The following PPP4C variants were observed in gnomAD, a reference collection of about 807,000 sequenced individuals.
The protein encoded by PPP4C is serine/threonine-protein phosphatase 4 catalytic subunit.
A neutral mutation model predicts 40.5 loss-of-function variants in PPP4C; 10 were observed. That is an observed-to-expected ratio of 0.25 (90% CI 0.15 to 0.42). The LOEUF is 0.42. Among genes scored for constraint, PPP4C ranks in the 10% least tolerant of loss-of-function variants. The pLI is 1.00. For missense variants in PPP4C, 191 were observed against 416.4 expected, an observed-to-expected ratio of 0.46 and a Z score of 4.71; for synonymous variants, 187 against 163.6, an observed-to-expected ratio of 1.14 and a Z score of -1.09.
rs527429658 is a variant in PPP4C, at chr16:30,084,257, G to C, written c.605-409G>C. Among the ~76,000 whole-genome samples, 12 of 149,284 alleles carry C rather than the reference G, an allele frequency of 8.0e-5. No individual in the cohort carries two copies. In the South Asian group the frequency reaches 2.5e-3, roughly 31 times the overall value. On this transcript the variant is annotated intron_variant, in intron 7 of 8. Transcript: ENST00000279387. ...TCACAGCCACACACACGCACACGAGGCCTCTGCTCCATCACAGCCACACAC... is the reference window on the plus strand; with the variant it reads ...TCACAGCCACACACACGCACACGAGCCCTCTGCTCCATCACAGCCACACAC...
At chr16:30,078,358 T>C (rs2072442654) in intron 2 of PPP4C, among the ~76,000 whole-genome samples, 1 of 152,116 alleles carries the variant, frequency 6.6e-6, no homozygotes, top group Non-Finnish European at 1.5e-5. Context: ...TGCATCCAGG[T>C]CTTTGACTGT....
At chr16:30,078,270 A>G (rs949639816) in intron 2 of PPP4C, among the ~76,000 whole-genome samples, 7 of 152,212 alleles carry the variant, frequency 4.6e-5, no homozygotes, top group African/African-American at 1.4e-4. Context: ...GCCCCATTTC[A>G]TAGCAGAGGA....
At position 30,083,603 on chromosome 16, in the gene PPP4C, G is replaced by GA. The variant is rs1263016082; in HGVS notation, c.477+37dup. 1 of 1,613,858 alleles carries GA rather than the reference G, an allele frequency of 6.2e-7. No homozygotes were observed. Among genetic ancestry groups the GA allele is most frequent in the Non-Finnish European group, 8.5e-7 (1 of 1,179,796 alleles). ...CCAGGGCTCCATGGGACAGGGAGAG[G>GA]AGGGGGGCTTCAGGCCTCAGCCCCG... On this transcript the variant is annotated intron_variant, in intron 6 of 8. Transcript: ENST00000279387. This position sits in a 1 kb window ranked among gnomAD's most constrained non-coding sequence, Gnocchi z 6.3.
At position 30,076,417 on chromosome 16, in the gene PPP4C, C is replaced by T. The variant is rs1417942340; in HGVS notation, c.40C>T (p.Leu14=). The T allele has an allele frequency of 3.1e-6, 5 of 1,613,224 alleles. No homozygotes were observed. In the Admixed American group the frequency reaches 6.7e-5, roughly 22 times the overall value. ...CGACCTGGACCGGCAGATCGAGCAG[C>T]TGCGTCGCTGCGAGCTCATCAAGGA... ...ISDLDRQIEQ[L]RRCELIKESE... is the part of the protein sequence containing the mutation. Residue 14 remains leucine, a synonymous_variant, in exon 2 of 9, where the codon CTG becomes TTG. Transcript: ENST00000279387.
intron 2 of PPP4C, among the ~76,000 whole-genome samples, chr16:30,078,265 AT>A (rs2151024510): frequency 6.6e-6 from 1 of 152,326 alleles, no homozygotes; most frequent in East Asian, 1.9e-4. Context: ...ACTTAGCCCC[AT>A]TTCATAGCAG....
chr16:30,077,086 G>A (rs1366188074), intron 2 of PPP4C, among the ~76,000 whole-genome samples: 1 of 152,096 alleles, frequency 6.6e-6, no homozygotes, highest in Non-Finnish European at 1.5e-5. Context: ...AGTAAGCCAG[G>A]GTAGAATTAA....
At chr16:30,078,421 G>A (rs1487890790) in intron 2 of PPP4C, among the ~76,000 whole-genome samples, 1 of 152,210 alleles carries the variant, frequency 6.6e-6, no homozygotes, top group African/African-American at 2.4e-5. Context: ...GATGTGGGGT[G>A]TGAGGCAGCA....
In PPP4C at chr16:30,083,507, G is replaced by A. The variant is rs2151028313; in HGVS notation, c.417G>A (p.Val139=). ...TGCGCAAGTACGGCTCGGTGACTGT[G>A]TGGCGCTACTGCACTGAGATCTTTG... ...ECLRKYGSVT[V]WRYCTEIFDY... Residue 139 remains valine (V), a synonymous_variant, in exon 6 of 9, where the codon GTG becomes GTA. Transcript: ENST00000279387. The surrounding 1 kb of genome is among the most constrained non-coding windows in gnomAD (Gnocchi z 6.3). The A allele has an allele frequency of 6.2e-7, 1 of 1,614,128 alleles. No individual in the cohort carries two copies.
chr16:30,084,556 G>A (rs1189250396), intron 7 of PPP4C, 110 bp from the exon 8 acceptor site: 14 of 963,558 alleles, frequency 1.5e-5, no homozygotes, highest in East Asian at 2.4e-5. Flanking sequence ...CTGGTCCCAC[G>A]GGCCTCTGGT....
At position 30,083,844 on chromosome 16, in the gene PPP4C, A is replaced by C; in HGVS notation, c.604+63A>C. 6.3e-7 allele frequency: 1 copy of C among 1,595,178 alleles called. No individual in the cohort carries two copies. Among genetic ancestry groups the C allele is most frequent in the East Asian group, 2.2e-5 (1 of 44,634 alleles). On this transcript the variant is annotated intron_variant, in intron 7 of 8. Transcript: ENST00000279387. The surrounding 1 kb of genome is among the most constrained non-coding windows in gnomAD (Gnocchi z 6.3). ...GGAGGGGTTGGGAAAGAGAGGGAGC[A>C]GGGCTGGTCTTCACTGTCACTCGTC...
At position 30,083,652 on chromosome 16, in the gene PPP4C, T is replaced by C; in HGVS notation, c.478-3T>C. 1 of 1,614,170 alleles carries C rather than the reference T, an allele frequency of 6.2e-7. No homozygotes were observed. The highest frequency in any genetic ancestry group is 1.6e-4 in the Middle Eastern group (1 of 6,062). ...CGTCCTCTTTCCCTGCTCTCCCCTG[T>C]AGATCTTCTGCGTGCACGGGGGCCT... On this transcript the variant is annotated splice_region_variant and splice_polypyrimidine_tract_variant and intron_variant, in intron 6 of 8. Transcript: ENST00000279387. This position sits in a 1 kb window ranked among gnomAD's most constrained non-coding sequence, Gnocchi z 6.3.
chr16:30,085,231 T>C lies in PPP4C; in HGVS notation c.*169T>C. ...CTCTGGAGAGGCCTGGAGACCTAGC[T>C]CCATGTTCCTCCTCCTCTCTCCCCA... On this transcript the variant is annotated 3_prime_UTR_variant, in exon 9 of 9. Coordinates refer to ENST00000279387, the MANE Select transcript of PPP4C (RefSeq NM_002720.3). 1 of 634,594 alleles carries C rather than the reference T, an allele frequency of 1.6e-6. No individual in the cohort carries two copies. The highest frequency in any genetic ancestry group is 3.1e-5 in the Admixed American group (1 of 32,718). 39.3% of individuals were successfully genotyped at this position (634,594 alleles called of 1,614,324 possible). A position where few individuals can be genotyped will look rare whatever the true frequency, so the allele number is the denominator to read the frequency against.
rs1402510529 is a variant in PPP4C at position 30,083,207 on chromosome 16, T to C, written c.304-187T>C. The C allele has an allele frequency of 2.9e-6, 2 of 689,964 alleles. No individual in the cohort carries two copies. Among genetic ancestry groups the C allele is most frequent in the Admixed American group, 2.6e-5 (1 of 38,710 alleles). The allele number at this position is 689,964 out of a possible 1,614,324, so 42.7% of individuals were successfully genotyped here. On this transcript the variant is annotated intron_variant, in intron 5 of 8. Transcript: ENST00000279387. This position sits in a 1 kb window ranked among gnomAD's most constrained non-coding sequence, Gnocchi z 6.3. ...TTCATAGTTGAGGGAATGGGTCAGC[T>C]TTACATTCTCTGGAGGGGTCGTGTG...
chr16:30,079,512 G>T (rs1278198484), intron 2 of PPP4C, among the ~76,000 whole-genome samples: 1 of 152,066 alleles, frequency 6.6e-6, no homozygotes, highest in Non-Finnish European at 1.5e-5. Context: ...TTACTGTTAC[G>T]TGAGGCTGAA....
At chr16:30,076,125 T>C in intron 1 of PPP4C, 31 bp downstream of exon 1, 1 of 554,288 alleles carries the variant, frequency 1.8e-6, no homozygotes. Flanking sequence ...TAAGTCACCG[T>C]CCTTAGCGCG....
chr16:30,084,429 CTG>C (rs2072578216), intron 7 of PPP4C, among the ~76,000 whole-genome samples: 1 of 152,242 alleles, frequency 6.6e-6, no homozygotes, highest in South Asian at 2.1e-4. Flanking sequence ...TGTATGATCA[CTG>C]TGATTATGAG....
At chr16:30,078,239 G>A (rs749610256) in intron 2 of PPP4C, among the ~76,000 whole-genome samples, 3 of 152,174 alleles carry the variant, frequency 2.0e-5, no homozygotes, top group Non-Finnish European at 4.4e-5. Flanking sequence ...TAAGGAATAC[G>A]CAGGGTGGGC....
intron 2 of PPP4C, among the ~76,000 whole-genome samples, chr16:30,080,985 A>AG (rs2072495020): frequency 6.6e-6 from 1 of 152,154 alleles, no homozygotes; most frequent in Non-Finnish European, 1.5e-5. Flanking sequence ...AGGGAGCGGC[A>AG]GGGGGAGTCA....
At position 30,084,639 on chromosome 16, in the gene PPP4C, C is replaced by T. The variant is rs758455315; in HGVS notation, c.605-27C>T. 6.2e-6 allele frequency: 10 copies of T among 1,606,032 alleles called. No homozygotes were observed. In the Admixed American group the frequency reaches 6.7e-5, roughly 11 times the overall value. On this transcript the variant is annotated intron_variant, in intron 7 of 8. Transcript: ENST00000279387. ...CAGCCAGAGAAGCCTGAGGACATCC[C>T]TCTCCATCCCTCCCTTTCCGCATCA...
Sources: gnomAD v4.1 joint callset for allele counts (sites outside exome capture counted in the v4.1 genomes callset) on GRCh38, gnomAD v4.1.1 for gene constraint, Gnocchi (gnomAD v3.1) non-coding constraint, MANE v1.5 for transcripts, NCBI Gene and HGNC (gene_info 2026-07-23, HGNC 2026-07-21) for gene names.